The following FOXP4 variants were observed in gnomAD, a reference collection of about 807,000 sequenced individuals.
FOXP4 encodes forkhead box protein P4.
Under a neutral mutation model 82.6 loss-of-function variants are expected in FOXP4, and 25 were observed. The observed-to-expected ratio is 0.30, with a 90% CI of 0.22 to 0.42. The LOEUF (loss-of-function observed/expected upper bound fraction) is 0.42, where lower values mean the gene tolerates loss of function less well. FOXP4 is among the 10% of genes least tolerant of loss of function. FOXP4 has a pLI of 1.00. For synonymous variants in FOXP4, 415 were observed against 388.2 expected (o/e 1.07, Z -0.81); for missense variants, 785 against 900.9 (o/e 0.87, Z 1.65).
rs769619713 is a variant in FOXP4, at chr6:41,590,034, T to C, written c.1221T>C (p.Gly407=). The C allele has an allele frequency of 1.7e-5, 28 of 1,613,768 alleles. No individual in the cohort carries two copies. In the Admixed American group the frequency reaches 4.7e-4, roughly 27 times the overall value. The change falls in exon 11 of 17, where the codon GGT becomes GGC. Residue 407 remains glycine, a synonymous_variant. Transcript: ENST00000307972. ...TVSAADSFPD[G]LVHPPTSAAA... is the part of the protein sequence containing the mutation. ...CTGCAGCAGACTCATTCCCAGATGG[T>C]CTCGTGCACCCCCCGACCTCGGCCG...
chr6:41,548,843 T>C (rs1422507292), intron 1 of FOXP4, among the ~76,000 whole-genome samples: 1 of 125,916 alleles, frequency 7.9e-6, no homozygotes, highest in Non-Finnish European at 1.7e-5. Context: ...TTTTTTTTTT[T>C]TTCAACTTGA....
At chr6:41,579,438 G>T (rs563501525) in intron 3 of FOXP4, among the ~76,000 whole-genome samples, 1 of 152,118 alleles carries the variant, frequency 6.6e-6, no homozygotes, top group South Asian at 2.1e-4. Flanking sequence ...AATCCTGCCC[G>T]CCCTGGACCC....
rs376967937 is a variant in FOXP4 at position 41,558,980 on chromosome 6, A to G, written c.-16-6765A>G. Among the ~76,000 whole-genome samples, 16 of 152,252 alleles carry G rather than the reference A, an allele frequency of 1.1e-4. No homozygotes were observed. The highest frequency in any genetic ancestry group is 3.9e-4 in the African/African-American group (16 of 41,462). ...ATAATCTAGAAATGTATGTATTTCA[A>G]AGGTTTTTCATTCTGGAAAAGTCTG... On this transcript the variant is annotated intron_variant, in intron 1 of 16. Transcript: ENST00000307972. This position sits in a 1 kb window ranked among gnomAD's most constrained non-coding sequence, Gnocchi z 4.0.
intron 7 of FOXP4, 80 bp downstream of exon 7, chr6:41,587,592 T>A: frequency 8.2e-7 from 1 of 1,225,984 alleles, no homozygotes; most frequent in Non-Finnish European, 1.1e-6. Flanking sequence ...GGGCTGACTG[T>A]GAGGGAGGGG....
At position 41,598,909 on chromosome 6, in the gene FOXP4, G is replaced by A. The variant is rs534120720; in HGVS notation, c.2016G>A (p.Glu672=). Residue 672 remains glutamate, a synonymous_variant, in exon 17 of 17, where the codon GAG becomes GAA. Transcript: ENST00000307972. ...CTCCGGAAGACAGGGACCTGGAGGA[G>A]GAGCTGCCGGGAGAAGAACTGTCCT... is the stretch of plus-strand genomic sequence containing the variant. The part of the protein sequence containing the change: ...SGPPEDRDLE[E]ELPGEELS 131 of 1,608,058 alleles carry A rather than the reference G, an allele frequency of 8.1e-5. No individual in the cohort carries two copies. The highest frequency in any genetic ancestry group is 1.0e-4 in the Non-Finnish European group (118 of 1,178,266).
In FOXP4 at chr6:41,558,190, C is replaced by T. The variant is rs145024245; in HGVS notation, c.-16-7555C>T. 4.0e-4 allele frequency among the ~76,000 whole-genome samples: 61 copies of T among 152,278 alleles called. No homozygotes were observed. Among genetic ancestry groups the T allele is most frequent in the African/African-American group, 1.4e-3 (57 of 41,544 alleles). ...CTTGGAGAGGGATTAAGCCTACTCT[C>T]GAACTCACAGAGCCCCATGTGTTTG... On this transcript the variant is annotated intron_variant, in intron 1 of 16. Transcript: ENST00000307972. The surrounding 1 kb of genome is among the most constrained non-coding windows in gnomAD (Gnocchi z 4.0).
chr6:41,565,780 C>T lies in FOXP4; in HGVS notation c.20C>T (p.Ser7Leu), dbSNP rs985934841. The change falls in exon 2 of 17, where the codon TCG becomes TTG. Residue 7 changes from serine to leucine, a missense_variant. Physicochemically the swap from Ser to Leu is moderately radical, Grantham distance 145. Transcript: ENST00000307972. MMVESA[S>L]ETIRSAPSGQ... is the part of the protein sequence containing the mutation. ...AGCGACATGATGGTGGAATCTGCCT[C>T]GGAGACAATCAGGTCGGCTCCATCT... 3.7e-6 allele frequency: 6 copies of T among 1,606,868 alleles called. No homozygotes were observed. Among genetic ancestry groups the T allele is most frequent in the South Asian group, 3.3e-5 (3 of 90,534 alleles).
rs1161891350 is a variant in FOXP4, at chr6:41,546,425, C to T, written c.-459C>T. 1 of 151,070 alleles carries T rather than the reference C, an allele frequency of 6.6e-6. No homozygotes were observed. The highest frequency in any genetic ancestry group is 1.5e-5 in the Non-Finnish European group (1 of 67,446). The allele number at this position is 151,070 out of a possible 1,614,324, so 9.4% of individuals were successfully genotyped here. The stretch of plus-strand genomic sequence containing the variant: ...TCGCAGCCCCTCGGAGTCCGGAGCC[C>T]GCCGTCCCTGCGGACCGGACAGTGC... On this transcript the variant is annotated 5_prime_UTR_variant, in exon 1 of 17. Coordinates refer to ENST00000307972, the MANE Select transcript of FOXP4 (RefSeq NM_001012426.2).
At chr6:41,566,668 C>T (rs576640773) in intron 2 of FOXP4, among the ~76,000 whole-genome samples, 1 of 152,150 alleles carries the variant, frequency 6.6e-6, no homozygotes, top group Non-Finnish European at 1.5e-5. Flanking sequence ...GTCCTGGTCC[C>T]ACCTGGGGAA....
intron 1 of FOXP4, among the ~76,000 whole-genome samples, chr6:41,555,399 G>A (rs1764220908): frequency 6.6e-6 from 1 of 152,172 alleles, no homozygotes; most frequent in Non-Finnish European, 1.5e-5. Flanking sequence ...GCCCCTCTAT[G>A]ATAAAGTCAT....
At position 41,591,616 on chromosome 6, in the gene FOXP4, G is replaced by A. The variant is rs1331446381; in HGVS notation, c.1536+294G>A. Among the ~76,000 whole-genome samples, 1 of 152,220 alleles carries A rather than the reference G, an allele frequency of 6.6e-6. No homozygotes were observed. Among genetic ancestry groups the A allele is most frequent in the African/African-American group, 2.4e-5 (1 of 41,458 alleles). Reference sequence around the variant, plus strand: ...CCAAAGACGCCAGCCCCACGAGGTAGGGCCTCTAGGAATTGCTAATGCCCA... The same window carrying A: ...CCAAAGACGCCAGCCCCACGAGGTAAGGCCTCTAGGAATTGCTAATGCCCA... On this transcript the variant is annotated intron_variant, in intron 13 of 16. Transcript: ENST00000307972. The surrounding 1 kb of genome is among the most constrained non-coding windows in gnomAD (Gnocchi z 4.2).
chr6:41,584,056 GCCTGCCCTGCTAACTC>G (rs1230266215), intron 3 of FOXP4, among the ~76,000 whole-genome samples: 2 of 152,214 alleles, frequency 1.3e-5, no homozygotes, highest in Admixed American at 1.3e-4. Flanking sequence ...AGGAGCGGAA[GCCTGCCCTGCTAACTC>G]CCTGCCTGCC....
At chr6:41,563,911 G>C (rs1764732183) in intron 1 of FOXP4, among the ~76,000 whole-genome samples, 1 of 152,228 alleles carries the variant, frequency 6.6e-6, no homozygotes, top group Admixed American at 6.5e-5. Flanking sequence ...AAACTGGGAG[G>C]CTTGAGCATC....
chr6:41,594,770 G>A (rs1766723704), intron 13 of FOXP4, 100 bp from the exon 14 acceptor site: 1 of 1,542,454 alleles, frequency 6.5e-7, no homozygotes, highest in Non-Finnish European at 8.8e-7. Flanking sequence ...GCTGGGGAAG[G>A]TGGGCCGCTG....
intron 3 of FOXP4, among the ~76,000 whole-genome samples, chr6:41,579,859 G>A (rs76282450): frequency 0.02 from 3,082 of 152,236 alleles, 108 homozygotes; most frequent in African/African-American, 0.071. Flanking sequence ...TTACCATGAA[G>A]TGTAGACACT....
intron 13 of FOXP4, 121 bp from the exon 14 acceptor site, chr6:41,594,749 C>T (rs907875852): frequency 2.1e-6 from 3 of 1,462,600 alleles, no homozygotes; most frequent in Admixed American, 1.9e-5. Context: ...CCCTCCCCTG[C>T]TCATCCCTGA....
rs1188236923 is a variant in FOXP4 at position 41,593,483 on chromosome 6, C to T, written c.1537-1387C>T. Among the ~76,000 whole-genome samples the T allele has an allele frequency of 6.6e-6, 1 of 152,180 alleles. No individual in the cohort carries two copies. The highest frequency in any genetic ancestry group is 1.5e-5 in the Non-Finnish European group (1 of 68,048). On this transcript the variant is annotated intron_variant, in intron 13 of 16. Transcript: ENST00000307972. This position sits in a 1 kb window ranked among gnomAD's most constrained non-coding sequence, Gnocchi z 4.1. ...AGCCCCTGCCAGACCCCTTAAATTG[C>T]CGTTAATGTTTCAGCGTAACGAATT...
chr6:41,601,057 C>A lies in FOXP4; in HGVS notation c.*2121C>A, dbSNP rs1767194851. 1 of 152,236 alleles carries A rather than the reference C, an allele frequency of 6.6e-6. No individual in the cohort carries two copies. The highest frequency in any genetic ancestry group is 1.5e-5 in the Non-Finnish European group (1 of 68,076). 9.4% of individuals were successfully genotyped at this position (152,236 alleles called of 1,614,324 possible). On this transcript the variant is annotated 3_prime_UTR_variant, in exon 17 of 17. Coordinates refer to ENST00000307972, the MANE Select transcript of FOXP4 (RefSeq NM_001012426.2). Reference sequence around the variant, plus strand: ...GACATCCACACCCATTCCCAGGTGTCCTTCCAGGCCCATTGTCCACGTCTT... The same window carrying A: ...GACATCCACACCCATTCCCAGGTGTACTTCCAGGCCCATTGTCCACGTCTT...
intron 2 of FOXP4, among the ~76,000 whole-genome samples, chr6:41,577,479 C>G (rs1332589606): frequency 6.6e-6 from 1 of 152,188 alleles, no homozygotes. Context: ...AATCTTGGCT[C>G]TGATGCCGCC....
Sources: gnomAD v4.1 joint callset for allele counts (sites outside exome capture counted in the v4.1 genomes callset) on GRCh38, gnomAD v4.1.1 for gene constraint, Gnocchi (gnomAD v3.1) non-coding constraint, MANE v1.5 for transcripts, NCBI Gene and HGNC (gene_info 2026-07-23, HGNC 2026-07-21) for gene names.